DMD: variants seen among roughly 807,000 people sequenced by gnomAD.
DMD encodes dystrophin.
A neutral mutation model predicts 330.1 loss-of-function variants in DMD; 63 were observed. That is an observed-to-expected ratio of 0.19 (90% CI 0.16 to 0.24). DMD has a LOEUF of 0.24. DMD is among the 10% of genes least tolerant of loss of function. DMD has a pLI of 1.00. For missense variants in DMD, 3,344 were observed against 2,684.1 expected (o/e 1.25, Z -5.43); for synonymous variants, 1,223 against 959.8 (o/e 1.27, Z -5.07).
chrX:32,646,737 C>T (rs2059808043), intron 9 of DMD, among the ~76,000 whole-genome samples: 2 of 111,601 alleles, frequency 1.8e-5, no homozygotes, highest in Admixed American at 1.9e-4. Flanking sequence ...TAAATTTCCC[C>T]AACTGTTAAG....
At chrX:31,282,653 CAA>C (rs2052712434) in intron 62 of DMD, among the ~76,000 whole-genome samples, 2 of 111,562 alleles carry the variant, frequency 1.8e-5, no homozygotes, top group African/African-American at 6.5e-5. Flanking sequence ...AACCTTGCTG[CAA>C]AGTGTCAGTT....
intron 13 of DMD, among the ~76,000 whole-genome samples, chrX:32,575,602 T>C (rs2052950433): frequency 1.8e-5 from 2 of 112,513 alleles, no homozygotes; most frequent in Non-Finnish European, 1.9e-5. Flanking sequence ...TAAAACATAC[T>C]TGCATTTTTT....
chrX:32,294,121 C>A (rs1316602714), intron 42 of DMD, among the ~76,000 whole-genome samples: 2 of 111,593 alleles, frequency 1.8e-5, no homozygotes, highest in African/African-American at 6.5e-5. Context: ...GTACTTGATT[C>A]AACTCTGAAT....
At chrX:32,506,308 G>C (rs1034851259) in intron 18 of DMD, among the ~76,000 whole-genome samples, 1 of 107,947 alleles carries the variant, frequency 9.3e-6, no homozygotes, top group Admixed American at 1.0e-4. Flanking sequence ...TGTACCTTCT[G>C]TTCAATTGTG....
At chrX:32,930,509 A>T (rs1235054820) in intron 2 of DMD, among the ~76,000 whole-genome samples, 1 of 110,944 alleles carries the variant, frequency 9.0e-6, no homozygotes, top group Non-Finnish European at 1.9e-5. Context: ...ATTATTTCCC[A>T]ACTAATCAAG....
At chrX:32,367,585 A>C (rs1224385177) in intron 34 of DMD, among the ~76,000 whole-genome samples, 1 of 112,224 alleles carries the variant, frequency 8.9e-6, no homozygotes, top group African/African-American at 3.2e-5. Context: ...GAATTTTCCA[A>C]AACTCAGAAG....
intron 63 of DMD, among the ~76,000 whole-genome samples, chrX:31,232,483 G>T (rs2047314432): frequency 8.9e-6 from 1 of 111,910 alleles, no homozygotes; most frequent in South Asian, 3.7e-4. Context: ...GGAGACCAGA[G>T]AAATCCCAAG....
chrX:32,879,333 T>G (rs1469083453), intron 2 of DMD, among the ~76,000 whole-genome samples: 2 of 111,805 alleles, frequency 1.8e-5, no homozygotes, highest in Admixed American at 1.9e-4. Context: ...AGTCACCATT[T>G]ACATATGGCA....
intron 44 of DMD, among the ~76,000 whole-genome samples, chrX:32,066,445 C>A (rs1195499613): frequency 1.8e-5 from 2 of 111,071 alleles, no homozygotes; most frequent in East Asian, 5.7e-4. Context: ...CATAGATAGC[C>A]CTTACTACTT....
At chrX:31,682,464 G>C (rs1460315662) in intron 52 of DMD, among the ~76,000 whole-genome samples, 11 of 111,427 alleles carry the variant, frequency 9.9e-5, no homozygotes, top group African/African-American at 3.6e-4. Flanking sequence ...ATTAATCTTT[G>C]GTTTATAAAA....
At chrX:32,722,605 A>T (rs770189669) in intron 7 of DMD, among the ~76,000 whole-genome samples, 1 of 110,905 alleles carries the variant, frequency 9.0e-6, no homozygotes, top group Admixed American at 9.6e-5. Flanking sequence ...ATATTTTCCC[A>T]TATATTTACC....
intron 13 of DMD, among the ~76,000 whole-genome samples, chrX:32,587,807 A>C (rs1473294467): frequency 8.9e-6 from 1 of 111,997 alleles, no homozygotes; most frequent in Non-Finnish European, 1.9e-5. Flanking sequence ...GATGATAATA[A>C]TAGTAACTAA....
chrX:32,406,241 T>A (rs2098116347), intron 30 of DMD, among the ~76,000 whole-genome samples: 2 of 111,490 alleles, frequency 1.8e-5, no homozygotes, highest in Admixed American at 1.9e-4. Context: ...GAATACCCTT[T>A]ATTTCCTTCT....
chrX:32,949,286 ACAC>A, intron 2 of DMD, among the ~76,000 whole-genome samples: 1 of 102,851 alleles, frequency 9.7e-6, no homozygotes, highest in African/African-American at 3.7e-5. Context: ...ACACACACAC[ACAC>A]ACGCACACAT....
intron 5 of DMD, among the ~76,000 whole-genome samples, chrX:32,819,012 T>G (rs952122912): frequency 9.8e-6 from 1 of 102,532 alleles, no homozygotes; most frequent in Admixed American, 1.1e-4. Context: ...GGTGTTTTTT[T>G]TTTTTTTTTT....
chrX:32,449,583 GTT>G (rs111326869), intron 26 of DMD, among the ~76,000 whole-genome samples: 76 of 95,827 alleles, frequency 7.9e-4, no homozygotes, highest in African/African-American at 2.7e-3. Context: ...ATCCTACAAT[GTT>G]TTTTTTTTTT....
chrX:32,536,744 G>T (rs1470289300), intron 17 of DMD, among the ~76,000 whole-genome samples: 1 of 111,880 alleles, frequency 8.9e-6, no homozygotes, highest in Non-Finnish European at 1.9e-5. Flanking sequence ...ATTATTTGGA[G>T]TAGCACTGGT....
chrX:32,913,480 A>C (rs997744582), intron 2 of DMD, among the ~76,000 whole-genome samples: 7 of 112,243 alleles, frequency 6.2e-5, no homozygotes, highest in African/African-American at 2.3e-4. Context: ...CTACAGTTAT[A>C]ATCCACATGA....
intron 55 of DMD, among the ~76,000 whole-genome samples, chrX:31,541,286 ATCT>A (rs1211324616): frequency 8.9e-6 from 1 of 111,794 alleles, no homozygotes; most frequent in Non-Finnish European, 1.9e-5. Flanking sequence ...AGGAATGTGA[ATCT>A]TCTTTTTTCA....
Sources: gnomAD v4.1 joint callset for allele counts (sites outside exome capture counted in the v4.1 genomes callset) on GRCh38, gnomAD v4.1.1 for gene constraint, MANE v1.5 for transcripts, NCBI Gene and HGNC (gene_info 2026-07-23, HGNC 2026-07-21) for gene names.